Variants in HSF5 observed in about 807,000 individuals in gnomAD.
HSF5 encodes the protein heat shock transcription factor 5, also known as heat shock factor protein 5.
HSF5 carries 5 observed loss-of-function variants against 50.8 expected under a neutral mutation model. That is an observed-to-expected ratio of 0.10 (90% CI 0.05 to 0.21). The LOEUF is 0.21. Among genes scored for constraint, HSF5 ranks in the 10% least tolerant of loss-of-function variants. HSF5 has a pLI of 1.00. For synonymous variants in HSF5, 307 were observed against 307.4 expected (o/e 1.00, Z 0.02); for missense variants, 564 against 762.6 (o/e 0.74, Z 3.07).
At chr17:58,485,842 G>A (rs1323890619) in intron 1 of HSF5, among the ~76,000 whole-genome samples, 3 of 151,966 alleles carry the variant, frequency 2.0e-5, no homozygotes, top group Admixed American at 6.6e-5. Context: ...CAAGATGGGC[G>A]GATCACCTGA....
intron 5 of HSF5, among the ~76,000 whole-genome samples, chr17:58,437,113 T>C (rs1341671243): frequency 6.6e-6 from 1 of 152,186 alleles, no homozygotes; most frequent in East Asian, 1.9e-4. Flanking sequence ...GTTCTGCATC[T>C]GGTATAGCAT....
intron 5 of HSF5, among the ~76,000 whole-genome samples, chr17:58,442,525 T>A (rs1974512146): frequency 6.6e-6 from 1 of 152,200 alleles, no homozygotes; most frequent in African/African-American, 2.4e-5. Context: ...CATTCCTAGT[T>A]TGTTGAGAGT....
At chr17:58,476,957 C>T (rs989348832) in intron 2 of HSF5, 2 of 660,930 alleles carry the variant, frequency 3.0e-6, no homozygotes, top group African/African-American at 1.8e-5. Flanking sequence ...CCATGTGGCA[C>T]GGTTGGGAGA....
intron 2 of HSF5, chr17:58,476,475 G>T (rs1975013461): frequency 2.8e-6 from 3 of 1,084,388 alleles, no homozygotes; most frequent in South Asian, 1.2e-5. Context: ...ATTTCCATTT[G>T]ATTTCAGTGG....
intron 3 of HSF5, among the ~76,000 whole-genome samples, chr17:58,465,287 G>A (rs918024083): frequency 1.1e-4 from 17 of 150,116 alleles, no homozygotes; most frequent in African/African-American, 4.2e-4. Flanking sequence ...CTCCCAAAGA[G>A]CTGGGATTAT....
chr17:58,431,090 G>C (rs1974358873), intron 5 of HSF5, among the ~76,000 whole-genome samples: 1 of 152,176 alleles, frequency 6.6e-6, no homozygotes, highest in Non-Finnish European at 1.5e-5. Flanking sequence ...GGATTTATAA[G>C]GGGGAGTTTC....
At chr17:58,478,554 T>G (rs1004499909) in intron 2 of HSF5, among the ~76,000 whole-genome samples, 85 of 144,700 alleles carry the variant, frequency 5.9e-4, no homozygotes, top group African/African-American at 2.1e-3. Flanking sequence ...TTGCAAAAAG[T>G]TTTCTATTAA....
intron 5 of HSF5, among the ~76,000 whole-genome samples, chr17:58,456,464 G>C (rs1338811384): frequency 6.6e-6 from 1 of 152,110 alleles, no homozygotes; most frequent in African/African-American, 2.4e-5. Flanking sequence ...AGTTAGATAG[G>C]AAGAATAAGC....
intron 2 of HSF5, among the ~76,000 whole-genome samples, chr17:58,479,013 A>T (rs908019090): frequency 6.6e-6 from 1 of 151,776 alleles, no homozygotes. Flanking sequence ...CCCTTGCTTG[A>T]GTTCCAGGTC....
intron 5 of HSF5, among the ~76,000 whole-genome samples, chr17:58,427,996 T>G (rs116089950): frequency 6.3e-4 from 96 of 152,386 alleles, no homozygotes; most frequent in African/African-American, 2.0e-3. Context: ...TGCACGGCTG[T>G]GACTGCATGT....
intron 5 of HSF5, among the ~76,000 whole-genome samples, chr17:58,427,325 T>C (rs529206624): frequency 2.3e-4 from 35 of 152,146 alleles, no homozygotes; most frequent in Non-Finnish European, 4.0e-4. Context: ...TGTCCCTTCT[T>C]ACACAGGTTA....
chr17:58,479,606 G>A (rs1975071414), intron 2 of HSF5, among the ~76,000 whole-genome samples: 1 of 151,832 alleles, frequency 6.6e-6, no homozygotes, highest in Non-Finnish European at 1.5e-5. Flanking sequence ...TCTGGCCTTG[G>A]GGTACTAAGT....
At chr17:58,433,429 A>G (rs1974388626) in intron 5 of HSF5, among the ~76,000 whole-genome samples, 1 of 152,230 alleles carries the variant, frequency 6.6e-6, no homozygotes, top group Non-Finnish European at 1.5e-5. Context: ...GAGAAGATTG[A>G]GACTTAAGAT....
rs1374599351 is a variant in HSF5 at position 58,460,294 on chromosome 17, C to T, written c.1543-1349G>A. 2.0e-5 allele frequency among the ~76,000 whole-genome samples: 3 copies of T among 152,154 alleles called. No individual in the cohort carries two copies. The East Asian group carries it at 5.8e-4, about 29-fold the overall frequency. ...TCAGCTTCCAAAGGTGCTAGAATTA[C>T]AGGCATAAGCTACTATGCCTAGCCT... On this transcript the variant is annotated intron_variant, in intron 4 of 5. Transcript: ENST00000323777.
At chr17:58,437,366 C>T (rs890780784) in intron 5 of HSF5, among the ~76,000 whole-genome samples, 2 of 152,148 alleles carry the variant, frequency 1.3e-5, no homozygotes, top group East Asian at 1.9e-4. Context: ...ATTTCTATTA[C>T]TTTAAGGCTT....
At chr17:58,483,290 A>G (rs1975125476) in intron 1 of HSF5, among the ~76,000 whole-genome samples, 1 of 152,208 alleles carries the variant, frequency 6.6e-6, no homozygotes, top group Admixed American at 6.6e-5. Flanking sequence ...ATGGCCAATT[A>G]ACTATTTTAG....
Position 58,463,068 on chromosome 17 carries a change from T to A in HSF5, c.1256A>T (p.Asn419Ile), listed in dbSNP as rs767282412. The A allele has an allele frequency of 4.3e-6, 7 of 1,614,110 alleles. No homozygotes were observed. The South Asian group carries it at 7.7e-5, about 18-fold the overall frequency. ...GCTAGCCTGACTTGCAGAACATGGA[T>A]TGCTGTTGTTAGAATTAGCTAAAAT... ...QHILANSNNS[N>I]PCSASQASQL... Residue 419 changes from asparagine (N) to isoleucine (I), a missense_variant, in exon 4 of 6, where the codon AAT becomes ATT. Physicochemically the swap from Asn to Ile is moderately radical, Grantham distance 149. This residue lies in a region of HSF5 where 441 missense variants were observed against 533.6 expected (regional missense o/e 0.83). Coordinates refer to ENST00000323777, the MANE Select transcript of HSF5 (RefSeq NM_001080439.3).
At chr17:58,456,717 GT>G (rs2143771680) in intron 5 of HSF5, among the ~76,000 whole-genome samples, 1 of 152,106 alleles carries the variant, frequency 6.6e-6, no homozygotes, top group African/African-American at 2.4e-5. Flanking sequence ...AATAAAAATG[GT>G]TAAAATGATA....
At chr17:58,434,058 C>G (rs774747850) in intron 5 of HSF5, among the ~76,000 whole-genome samples, 2 of 151,686 alleles carry the variant, frequency 1.3e-5, no homozygotes, top group East Asian at 3.9e-4. Context: ...GGATTACAGG[C>G]GCATGCCACC....
Sources: allele counts gnomAD v4.1 joint callset (sites outside exome capture counted in the v4.1 genomes callset), GRCh38; gene constraint gnomAD v4.1.1; regional missense constraint gnomAD v4.1.1; transcripts MANE v1.5; gene names NCBI Gene and HGNC (gene_info 2026-07-23, HGNC 2026-07-21).